The following CHMP7 variants were observed in gnomAD, a reference collection of about 807,000 sequenced individuals.
CHMP7 encodes CHMP family, member 7.
Under a neutral mutation model 53.7 loss-of-function variants are expected in CHMP7, and 15 were observed. The observed-to-expected ratio is 0.28, with a 90% confidence interval of 0.19 to 0.43. CHMP7 has a LOEUF of 0.43. Among genes scored for constraint, CHMP7 ranks in the 20% least tolerant of loss-of-function variants. CHMP7 has a pLI of 1.00. For synonymous variants in CHMP7, 261 were observed against 228.0 expected (o/e 1.14, Z -1.30); for missense variants, 527 against 569.4 (o/e 0.93, Z 0.76).
At chr8:23,255,663 C>T (rs1457064566) in intron 4 of CHMP7, among the ~76,000 whole-genome samples, 1 of 152,178 alleles carries the variant, frequency 6.6e-6, no homozygotes, top group African/African-American at 2.4e-5. Flanking sequence ...GTATGCGCAT[C>T]CCTGCTTTGT....
intron 3 of CHMP7, among the ~76,000 whole-genome samples, chr8:23,250,619 CCTGTGTGT>C (rs1041305609): frequency 4.5e-5 from 5 of 111,788 alleles, no homozygotes; most frequent in Admixed American, 2.1e-4. Flanking sequence ...GTGATAGGGG[CCTGTGTGT>C]GTGTGTGTGT....
At chr8:23,248,979 A>C (rs1317202855) in intron 2 of CHMP7, among the ~76,000 whole-genome samples, 1 of 152,218 alleles carries the variant, frequency 6.6e-6, no homozygotes, top group Non-Finnish European at 1.5e-5. Flanking sequence ...TGAGTCCCTC[A>C]GTTTTCTCAT....
rs184292956 is a variant in CHMP7 at position 23,261,877 on chromosome 8, C to T, written c.*1278C>T. On this transcript the variant is annotated 3_prime_UTR_variant, in exon 11 of 11. Transcript: ENST00000397677. ...TTTGCTCCAGGCCAGGAGCACAAAT[C>T]GTTGTTCAATGAATTTCTCTCCAAC... 7.9e-5 allele frequency: 12 copies of T among 152,746 alleles called. No homozygotes were observed. In the East Asian group the frequency reaches 1.7e-3, roughly 22 times the overall value. 9.5% of individuals were successfully genotyped at this position (152,746 alleles called of 1,614,324 possible). A position where few individuals can be genotyped will look rare whatever the true frequency, so the allele number is the denominator to read the frequency against.
Position 23,255,445 on chromosome 8 carries a change from A to G in CHMP7, c.657+13A>G, listed in dbSNP as rs781545438. ...GAACGGGGAGAAGGTATGGAGGCTC[A>G]TCTGTTCATTCACTGACTCAGCAGT... On this transcript the variant is annotated intron_variant, in intron 4 of 10. Coordinates refer to ENST00000397677, the MANE Select transcript of CHMP7 (RefSeq NM_152272.5). The G allele has an allele frequency of 6.2e-7, 1 of 1,612,496 alleles. No individual in the cohort carries two copies. Among genetic ancestry groups the G allele is most frequent in the South Asian group, 1.1e-5 (1 of 91,044 alleles).
intron 3 of CHMP7, among the ~76,000 whole-genome samples, chr8:23,251,822 C>G (rs1028370136): frequency 6.6e-6 from 1 of 152,166 alleles, no homozygotes; most frequent in African/African-American, 2.4e-5. Flanking sequence ...TCCAATTTCT[C>G]TCTCCATTTT....
At chr8:23,258,969 G>A in intron 8 of CHMP7, 97 bp from the exon 9 acceptor site, 1 of 1,057,022 alleles carries the variant, frequency 9.5e-7, no homozygotes, top group Non-Finnish European at 1.5e-6. Context: ...TCTCACTTGG[G>A]GCAGGATTGC....
rs1802396347 is a variant in CHMP7 at position 23,261,667 on chromosome 8, GCCT to G, written c.*1072_*1074del. 6.5e-6 allele frequency: 1 copy of G among 152,694 alleles called. No individual in the cohort carries two copies. Among genetic ancestry groups the G allele is most frequent in the African/African-American group, 2.4e-5 (1 of 41,442 alleles). 9.5% of individuals were successfully genotyped at this position (152,694 alleles called of 1,614,324 possible). ...CTGCTTCCTGCAGTCCCCACTCCCT[GCCT>G]CCTTTGAGGGACTGGGGGACTTGGG... On this transcript the variant is annotated 3_prime_UTR_variant, in exon 11 of 11. Transcript: ENST00000397677.
chr8:23,248,668 C>G (rs191006419), intron 2 of CHMP7, among the ~76,000 whole-genome samples: 5 of 152,262 alleles, frequency 3.3e-5, no homozygotes, highest in Admixed American at 3.3e-4. Flanking sequence ...GTGACTGGCC[C>G]GCGGCAAGCA....
chr8:23,253,410 A>C (rs546960119), intron 3 of CHMP7, among the ~76,000 whole-genome samples: 5 of 152,290 alleles, frequency 3.3e-5, no homozygotes, highest in Admixed American at 1.3e-4. Context: ...CAGCCTCTCA[A>C]GTAGCTGGGA....
rs1270460176 is a variant in CHMP7, at chr8:23,246,702, T to A, written c.7T>A (p.Ser3Thr). The stretch of plus-strand genomic sequence containing the variant: ...TGCCGGGGCTGGGGTTCCGATGTGG[T>A]CCCCGGAGCGGGAGGCCGAGGCCCC... MW[S>T]PEREAEAPAG... The change falls in exon 2 of 11, where the codon TCC (serine) becomes ACC (threonine). Residue 3 changes from serine to threonine, a missense_variant. By Grantham distance (58) the Ser-to-Thr change is moderately conservative (BLOSUM62 1). Coordinates refer to ENST00000397677, the MANE Select transcript of CHMP7 (RefSeq NM_152272.5). 3.2e-6 allele frequency: 5 copies of A among 1,547,978 alleles called. No homozygotes were observed. Among genetic ancestry groups the A allele is most frequent in the Non-Finnish European group, 4.4e-6 (5 of 1,146,336 alleles).
intron 3 of CHMP7, among the ~76,000 whole-genome samples, chr8:23,251,445 T>A (rs1193816527): frequency 6.6e-6 from 1 of 152,222 alleles, no homozygotes; most frequent in Admixed American, 6.5e-5. Context: ...AATGGCTTTG[T>A]CAACTCTAGT....
At chr8:23,255,116 CT>C (rs1425579743) in intron 3 of CHMP7, 130 bp from the exon 4 acceptor site, 2 of 889,050 alleles carry the variant, frequency 2.2e-6, no homozygotes, top group Non-Finnish European at 3.6e-6. Flanking sequence ...AAAGCCGCTA[CT>C]TTGGGGAGGA....
chr8:23,254,186 T>G (rs201184416), intron 3 of CHMP7, among the ~76,000 whole-genome samples: 36 of 43,488 alleles, frequency 8.3e-4, no homozygotes, highest in Non-Finnish European at 2.9e-3. Flanking sequence ...TCTGCTCAAC[T>G]TTTTTTTTTT....
chr8:23,250,839 G>A (rs528450182), intron 3 of CHMP7, among the ~76,000 whole-genome samples: 32 of 152,258 alleles, frequency 2.1e-4, no homozygotes, highest in African/African-American at 7.5e-4. Context: ...CTCACCTTGA[G>A]AGACTCCAGC....
chr8:23,258,574 C>G, intron 7 of CHMP7, 125 bp downstream of exon 7: 3 of 1,404,246 alleles, frequency 2.1e-6, no homozygotes, highest in Non-Finnish European at 3.0e-6. Context: ...GTTGCCTTTG[C>G]CTTTCCAGTC....
At chr8:23,246,092 CA>C (rs1405660275) in intron 1 of CHMP7, 163 bp from the exon 2 acceptor site, 1 of 152,198 alleles carries the variant, frequency 6.6e-6, no homozygotes, top group Non-Finnish European at 1.5e-5. Flanking sequence ...AGTTTGTTTT[CA>C]ATTTCATTGA....
At chr8:23,248,576 G>A (rs943142487) in intron 2 of CHMP7, among the ~76,000 whole-genome samples, 3 of 152,102 alleles carry the variant, frequency 2.0e-5, no homozygotes, top group African/African-American at 4.8e-5. Flanking sequence ...TCAGTTTGAC[G>A]AATTCTAAAA....
intron 9 of CHMP7, among the ~76,000 whole-genome samples, chr8:23,259,728 A>G (rs1337974547): frequency 6.6e-6 from 1 of 151,996 alleles, no homozygotes; most frequent in Non-Finnish European, 1.5e-5. Context: ...TTGACAGTAG[A>G]TTTGCTTTTC....
At chr8:23,251,818 TTCTC>T (rs1563405282) in intron 3 of CHMP7, among the ~76,000 whole-genome samples, 2 of 152,222 alleles carry the variant, frequency 1.3e-5, no homozygotes, top group Non-Finnish European at 2.9e-5. Context: ...TCATTCCAAT[TTCTC>T]TCTCCATTTT....
Sources: allele counts gnomAD v4.1 joint callset (sites outside exome capture counted in the v4.1 genomes callset), GRCh38; gene constraint gnomAD v4.1.1; transcripts MANE v1.5; gene names NCBI Gene and HGNC (gene_info 2026-07-23, HGNC 2026-07-21).